SMC2: variants seen among roughly 807,000 people sequenced by gnomAD.
SMC2 encodes the protein structural maintenance of chromosomes 2.
In SMC2, 41 loss-of-function variants were observed where a neutral mutation model predicts 142.6. The ratio of observed to expected loss-of-function variants is 0.29; its 90% CI spans 0.22 to 0.37. The LOEUF is 0.37. Among genes scored for constraint, SMC2 ranks in the 10% least tolerant of loss-of-function variants. The pLI, the probability that SMC2 is intolerant of heterozygous loss-of-function variation, is 1.00. For synonymous variants in SMC2, 463 were observed against 457.5 expected (o/e 1.01, Z -0.15); for missense variants, 1,265 against 1,373.7 (o/e 0.92, Z 1.25).
intron 9 of SMC2, among the ~76,000 whole-genome samples, chr9:104,107,059 T>G (rs1831883789): frequency 6.6e-6 from 1 of 152,204 alleles, no homozygotes; most frequent in Admixed American, 6.5e-5. Context: ...TGGACCCTTC[T>G]AATAAGCTAG....
chr9:104,132,104 C>A lies in SMC2; in HGVS notation c.3087C>A (p.Ala1029=). 6.3e-7 allele frequency: 1 copy of A among 1,581,784 alleles called. No individual in the cohort carries two copies. Among genetic ancestry groups the A allele is most frequent in the Non-Finnish European group, 8.6e-7 (1 of 1,161,494 alleles). The part of the protein sequence containing the change: ...IEDLDQKKNQ[A]LNIAWQKVNK... ...ACCTTGACCAGAAGAAAAACCAAGC[C>A]CTAAATATTGCATGGCAAAAGGTAC... The change falls in exon 22 of 25, where the codon GCC becomes GCA. Residue 1029 remains alanine (A), a synonymous_variant. Coordinates refer to ENST00000374793, the MANE Select transcript of SMC2 (RefSeq NM_006444.3).
Position 104,128,180 on chromosome 9 carries a change from C to T in SMC2, c.2790+700C>T, listed in dbSNP as rs543462607. 2.6e-5 allele frequency among the ~76,000 whole-genome samples: 4 copies of T among 152,010 alleles called. No homozygotes were observed. The East Asian group carries it at 7.7e-4, about 29-fold the overall frequency. ...GTCCAGGATATTTTTTTTTAGCATC[C>T]TAAAAATACATGAACTTTAACTTCA... On this transcript the variant is annotated intron_variant, in intron 20 of 24. Coordinates refer to ENST00000374793, the MANE Select transcript of SMC2 (RefSeq NM_006444.3).
chr9:104,099,557 G>A (rs1245822517), intron 4 of SMC2, 87 bp from the exon 5 acceptor site: 4 of 832,880 alleles, frequency 4.8e-6, no homozygotes, highest in East Asian at 2.5e-5. Flanking sequence ...AGATACAACA[G>A]CTTCAGTCTA....
rs1412191660 is a variant in SMC2 at position 104,139,764 on chromosome 9, A to G, written c.*449A>G. 1 of 155,416 alleles carries G rather than the reference A, an allele frequency of 6.4e-6. No homozygotes were observed. Among genetic ancestry groups the G allele is most frequent in the Non-Finnish European group, 1.4e-5 (1 of 70,560 alleles). The allele number at this position is 155,416 out of a possible 1,614,324, so 9.6% of individuals were successfully genotyped here. On this transcript the variant is annotated 3_prime_UTR_variant, in exon 25 of 25. Transcript: ENST00000374793. ...TCAGGTAACTGGACCAACAAAGGGAACACATATAAAGCTATTATGCATGCA... is the reference window on the plus strand; with the variant it reads ...TCAGGTAACTGGACCAACAAAGGGAGCACATATAAAGCTATTATGCATGCA...
chr9:104,090,083 C>T (rs1489658903), upstream of SMC2, among the ~76,000 whole-genome samples: 1 of 152,204 alleles, frequency 6.6e-6, no homozygotes, highest in Non-Finnish European at 1.5e-5. Context: ...CACTGATGTT[C>T]TTCACGAAAA....
chr9:104,100,484 G>A (rs752961120), intron 7 of SMC2, 51 bp downstream of exon 7: 14 of 1,178,286 alleles, frequency 1.2e-5, no homozygotes, highest in Non-Finnish European at 1.7e-5. Context: ...TTCAAAGTCA[G>A]CAATGTATCC....
chr9:104,139,290 C>A lies in SMC2; in HGVS notation c.3569C>A (p.Pro1190His), dbSNP rs756007314. The A allele has an allele frequency of 6.3e-7, 1 of 1,593,792 alleles. No homozygotes were observed. Among genetic ancestry groups the A allele is most frequent in the Non-Finnish European group, 8.5e-7 (1 of 1,173,492 alleles). Reference sequence around the variant, plus strand: ...GAAGCAAAATCCAAGGCAAAACCACCCAAAGGAGCACATGTGGAAGTTTAA... The same window carrying A: ...GAAGCAAAATCCAAGGCAAAACCACACAAAGGAGCACATGTGGAAGTTTAA... ...SKEAKSKAKP[P>H]KGAHVEV The change falls in exon 25 of 25, where the codon CCC (proline) becomes CAC (histidine). Residue 1190 changes from proline to histidine, a missense_variant. Transcript: ENST00000374793.
In SMC2 at chr9:104,102,406, G is replaced by T; in HGVS notation, c.871-18G>T. 2 of 1,581,990 alleles carry T rather than the reference G, an allele frequency of 1.3e-6. No homozygotes were observed. Among genetic ancestry groups the T allele is most frequent in the South Asian group, 2.3e-5 (2 of 85,326 alleles). On this transcript the variant is annotated intron_variant, in intron 8 of 24. Transcript: ENST00000374793. ...CAAATTTTACATAAGTGATTGAATT[G>T]ACTGCATTTTGTTATAGGAAACTGG...
chr9:104,088,437 G>C, the SMC2 span, among the ~76,000 whole-genome samples: 1 of 152,102 alleles, frequency 6.6e-6, no homozygotes, highest in African/African-American at 2.4e-5. Flanking sequence ...TGTGGATAAA[G>C]GGTTAAGGGA....
chr9:104,134,033 G>A (rs1440962377), intron 22 of SMC2, among the ~76,000 whole-genome samples: 3 of 152,094 alleles, frequency 2.0e-5, no homozygotes, highest in African/African-American at 7.2e-5. Flanking sequence ...ACAATTGTGT[G>A]TATCTTGAGG....
At chr9:104,120,290 A>G in intron 16 of SMC2, 128 bp downstream of exon 16, 1 of 875,412 alleles carries the variant, frequency 1.1e-6, no homozygotes, top group Non-Finnish European at 1.7e-6. Flanking sequence ...AAAATGTTTG[A>G]TTAAATTGTG....
intron 22 of SMC2, 142 bp downstream of exon 22, chr9:104,132,267 T>C: frequency 1.8e-6 from 1 of 551,498 alleles, no homozygotes; most frequent in Non-Finnish European, 3.2e-6. Context: ...CCTCTGACTT[T>C]TAAATGCATT....
chr9:104,134,105 C>G (rs1835272174), intron 22 of SMC2, among the ~76,000 whole-genome samples: 1 of 152,156 alleles, frequency 6.6e-6, no homozygotes, highest in South Asian at 2.1e-4. Context: ...GGTGTGCCTT[C>G]TAGTTCCCCT....
chr9:104,125,846 C>T (rs1413147709), intron 18 of SMC2, among the ~76,000 whole-genome samples: 2 of 152,208 alleles, frequency 1.3e-5, no homozygotes, highest in Non-Finnish European at 2.9e-5. Context: ...CACTTTTATG[C>T]GATTTCACCT....
chr9:104,113,577 A>T, intron 11 of SMC2, 102 bp downstream of exon 11: 1 of 914,880 alleles, frequency 1.1e-6, no homozygotes, highest in East Asian at 2.8e-5. Flanking sequence ...AACATTTCTT[A>T]GCCTATTAAC....
At chr9:104,120,470 G>A (rs998141662) in intron 16 of SMC2, among the ~76,000 whole-genome samples, 3 of 152,146 alleles carry the variant, frequency 2.0e-5, no homozygotes, top group African/African-American at 4.8e-5. Flanking sequence ...GAAACCCTTC[G>A]ACACTCTGGC....
intron 9 of SMC2, among the ~76,000 whole-genome samples, chr9:104,104,806 C>T (rs1831562566): frequency 6.6e-6 from 1 of 152,210 alleles, no homozygotes; most frequent in African/African-American, 2.4e-5. Flanking sequence ...GGATATAACA[C>T]TCTGACTGAC....
upstream of SMC2, chr9:104,094,153 C>T (rs1830183438): frequency 5.2e-6 from 2 of 382,060 alleles, no homozygotes; most frequent in South Asian, 1.5e-4. Context: ...CCGGGGAGTC[C>T]CCGGAGCTAC....
At chr9:104,131,334 G>A (rs996512685) in intron 21 of SMC2, among the ~76,000 whole-genome samples, 15 of 152,134 alleles carry the variant, frequency 9.9e-5, no homozygotes, top group African/African-American at 2.9e-4. Flanking sequence ...AGACCATATG[G>A]CCAGAACCTG....
Sources: gnomAD v4.1 joint callset for allele counts (sites outside exome capture counted in the v4.1 genomes callset) on GRCh38, gnomAD v4.1.1 for gene constraint, MANE v1.5 for transcripts, NCBI Gene and HGNC (gene_info 2026-07-23, HGNC 2026-07-21) for gene names.